Variants in LRP1B observed in about 807,000 individuals in gnomAD.
LRP1B encodes LDL receptor related protein 1B.
In LRP1B, 217 loss-of-function variants were observed where a neutral mutation model predicts 556.6. The ratio of observed to expected loss-of-function variants is 0.39; its 90% CI spans 0.35 to 0.44. The LOEUF (loss-of-function observed/expected upper bound fraction) is 0.44. Ranked by LOEUF, LRP1B falls within the 20% of genes least tolerant of loss-of-function variation. LRP1B has a pLI of 1.00. For missense variants in LRP1B, 5,053 were observed against 5,620.8 expected (o/e 0.90, Z 3.23); for synonymous variants, 2,047 against 1,865.8 (o/e 1.10, Z -2.50).
chr2:141,511,622 A>G (rs1175832045), intron 2 of LRP1B, among the ~76,000 whole-genome samples: 1 of 152,184 alleles, frequency 6.6e-6, no homozygotes, highest in African/African-American at 2.4e-5. Flanking sequence ...CACTGCCAGA[A>G]TAAGTTACAG....
At chr2:140,296,681 C>T (rs554617252) in intron 84 of LRP1B, among the ~76,000 whole-genome samples, 5 of 151,926 alleles carry the variant, frequency 3.3e-5, no homozygotes, top group African/African-American at 7.2e-5. Context: ...TCTTTGTAGA[C>T]GATGTTTTAA....
chr2:140,478,956 G>A (rs1688100057), intron 59 of LRP1B, among the ~76,000 whole-genome samples: 1 of 151,898 alleles, frequency 6.6e-6, no homozygotes, highest in Admixed American at 6.6e-5. Context: ...ACTACCTATT[G>A]CATCTGGATT....
chr2:140,483,526 T>C (rs563061400), intron 59 of LRP1B, among the ~76,000 whole-genome samples: 18 of 149,572 alleles, frequency 1.2e-4, no homozygotes, highest in East Asian at 2.0e-4. Flanking sequence ...GCCAGCCATA[T>C]TGATTTTGAA....
intron 66 of LRP1B, among the ~76,000 whole-genome samples, chr2:140,394,122 A>ATTTTT (rs1491191650): frequency 7.8e-6 from 1 of 127,754 alleles, no homozygotes. Context: ...TTACTGGCAC[A>ATTTTT]TATTTTTTTT....
intron 6 of LRP1B, among the ~76,000 whole-genome samples, chr2:141,198,259 C>G (rs1681835889): frequency 6.6e-6 from 1 of 152,090 alleles, no homozygotes; most frequent in African/African-American, 2.4e-5. Flanking sequence ...GTTGAACAAA[C>G]AAAGGCTCTG....
chr2:140,725,137 T>C (rs2105483278), intron 35 of LRP1B, among the ~76,000 whole-genome samples: 1 of 152,326 alleles, frequency 6.6e-6, no homozygotes, highest in East Asian at 1.9e-4. Flanking sequence ...CATTCTAAAA[T>C]TTTGAGAAAT....
chr2:141,588,286 G>A (rs1348009493), intron 2 of LRP1B, among the ~76,000 whole-genome samples: 1 of 151,736 alleles, frequency 6.6e-6, no homozygotes, highest in African/African-American at 2.4e-5. Context: ...CCTTGGCAGA[G>A]GTAGTTGAAG....
chr2:140,408,932 A>T (rs1235725101), intron 66 of LRP1B, among the ~76,000 whole-genome samples: 1 of 151,980 alleles, frequency 6.6e-6, no homozygotes, highest in South Asian at 2.1e-4. Context: ...AAGGTCAGAA[A>T]GATAGTCCTA....
chr2:142,002,961 T>C (rs932211220), intron 1 of LRP1B, among the ~76,000 whole-genome samples: 4 of 152,236 alleles, frequency 2.6e-5, no homozygotes, highest in Admixed American at 2.0e-4. Context: ...AACATGCTTA[T>C]AGATTTTAAT....
At chr2:141,324,615 A>T (rs1687369741) in intron 3 of LRP1B, among the ~76,000 whole-genome samples, 1 of 152,112 alleles carries the variant, frequency 6.6e-6, no homozygotes, top group African/African-American at 2.4e-5. Flanking sequence ...CTTTTCATAA[A>T]GGCTGTACGT....
intron 1 of LRP1B, among the ~76,000 whole-genome samples, chr2:141,981,039 T>C (rs1702030079): frequency 1.3e-5 from 2 of 152,112 alleles, no homozygotes; most frequent in South Asian, 4.1e-4. Context: ...GTTGGAAATA[T>C]CTATTATGGG....
chr2:141,523,310 C>A (rs1038452706), intron 2 of LRP1B, among the ~76,000 whole-genome samples: 1 of 152,016 alleles, frequency 6.6e-6, no homozygotes, highest in Non-Finnish European at 1.5e-5. Context: ...AATGCAAAGT[C>A]ATTAAGAACT....
intron 43 of LRP1B, among the ~76,000 whole-genome samples, chr2:140,551,976 T>C (rs554482287): frequency 6.6e-6 from 1 of 152,294 alleles, no homozygotes; most frequent in South Asian, 2.1e-4. Context: ...CACATTTTAC[T>C]GGTAATGACT....
intron 2 of LRP1B, among the ~76,000 whole-genome samples, chr2:141,524,277 T>TATATATATAC (rs1234849560): frequency 6.6e-6 from 1 of 151,380 alleles, no homozygotes; most frequent in Non-Finnish European, 1.5e-5. Flanking sequence ...TATATATATA[T>TATATATATAC]ATAAAACTCA....
intron 1 of LRP1B, among the ~76,000 whole-genome samples, chr2:141,855,673 C>A (rs1698027339): frequency 6.6e-6 from 1 of 152,054 alleles, no homozygotes; most frequent in Admixed American, 6.6e-5. Context: ...TTAGGGGTTA[C>A]CCTGGCCACA....
intron 2 of LRP1B, among the ~76,000 whole-genome samples, chr2:141,505,923 C>T (rs1423515965): frequency 2.0e-5 from 3 of 152,078 alleles, no homozygotes; most frequent in African/African-American, 7.2e-5. Context: ...ATTCTTTATG[C>T]ACCAACCACT....
At chr2:140,728,502 C>G (rs1687669205) in intron 35 of LRP1B, among the ~76,000 whole-genome samples, 1 of 152,096 alleles carries the variant, frequency 6.6e-6, no homozygotes, top group Admixed American at 6.6e-5. Flanking sequence ...TTCAGGGGAC[C>G]AGCAACCCAT....
Position 140,233,299 on chromosome 2 carries a change from C to T in LRP1B, c.13687G>A (p.Ala4563Thr), listed in dbSNP as rs140358724. Residue 4563 changes from alanine to threonine, a missense_variant, in exon 91 of 91, where the codon GCA becomes ACA. By Grantham distance (58) the Ala-to-Thr change is moderately conservative. Around this residue, in one of 5 missense-constraint regions of LRP1B, gnomAD observed 551 missense variants for 592.0 expected, o/e 0.93. Transcript: ENST00000389484. ...TTTTGCCCATCCATATATAATTTTG[C>T]ATATACCGGATTGGAGTAATTTGTT... ...GPTNYSNPVY[A>T]KLYMDGQNCR... The T allele has an allele frequency of 6.9e-4, 1,108 of 1,601,124 alleles. No individual in the cohort carries two copies. The highest frequency in any genetic ancestry group is 9.0e-4 in the Non-Finnish European group (1,050 of 1,172,074).
At chr2:140,834,905 A>C (rs1691847055) in intron 31 of LRP1B, among the ~76,000 whole-genome samples, 1 of 152,122 alleles carries the variant, frequency 6.6e-6, no homozygotes, top group South Asian at 2.1e-4. Flanking sequence ...TTGGTGTGTA[A>C]ATTTCCAGTT....
Sources: gnomAD v4.1 joint callset for allele counts (sites outside exome capture counted in the v4.1 genomes callset) on GRCh38, gnomAD v4.1.1 for gene constraint, gnomAD v4.1.1 regional missense constraint, MANE v1.5 for transcripts, NCBI Gene and HGNC (gene_info 2026-07-23, HGNC 2026-07-21) for gene names.